Variants in MGAT4C observed in about 807,000 individuals in gnomAD.
MGAT4C encodes MGAT4 family member C.
Under a neutral mutation model 40.1 loss-of-function variants are expected in MGAT4C, and 19 were observed. The observed-to-expected ratio is 0.47, with a 90% CI of 0.33 to 0.70. MGAT4C has a LOEUF of 0.70. Ranked by LOEUF, MGAT4C falls within the 30% of genes least tolerant of loss-of-function variation. The probability of loss-of-function intolerance (pLI) is 0.02; values close to 1 mark genes in which losing one functional copy is unlikely to be tolerated. For missense variants in MGAT4C, 491 were observed against 563.2 expected (o/e 0.87, Z 1.30); for synonymous variants, 181 against 187.1 (o/e 0.97, Z 0.27).
At chr12:86,111,667 A>T (rs1877438000) in intron 1 of MGAT4C, among the ~76,000 whole-genome samples, 1 of 151,804 alleles carries the variant, frequency 6.6e-6, no homozygotes, top group Non-Finnish European at 1.5e-5. Flanking sequence ...CTAAGCCTTA[A>T]TTTCAAACCT....
chr12:86,489,266 G>T (rs1958082779), intron 2 of MGAT4C, among the ~76,000 whole-genome samples: 1 of 152,220 alleles, frequency 6.6e-6, no homozygotes, highest in East Asian at 1.9e-4. Flanking sequence ...TACACTTCGT[G>T]TCCCCTTTCC....
Position 85,959,019 on chromosome 12 carries a change from C to G in MGAT4C, c.*20270G>C, listed in dbSNP as rs540320437. On this transcript the variant is annotated 3_prime_UTR_variant, in exon 5 of 5. Coordinates refer to ENST00000611864, the MANE Select transcript of MGAT4C (RefSeq NM_001351288.2). ...TGCTATGTTATTAAATCTCTGGTAA[C>G]CACTATACAATACAATACAATACAA... 8.2e-6 allele frequency: 1 copy of G among 122,614 alleles called. No individual in the cohort carries two copies. Among genetic ancestry groups the G allele is most frequent in the African/African-American group, 2.8e-5 (1 of 35,594 alleles). The allele number at this position is 122,614 out of a possible 1,614,324, so 7.6% of individuals were successfully genotyped here. A position where few individuals can be genotyped will look rare whatever the true frequency, so the allele number is the denominator to read the frequency against.
intron 2 of MGAT4C, among the ~76,000 whole-genome samples, chr12:85,990,664 A>G (rs1592624436): frequency 6.6e-6 from 1 of 152,304 alleles, no homozygotes. Flanking sequence ...AAGTCTTAAT[A>G]TATAAGACTT....
At chr12:86,606,856 C>A (rs6538047) in intron 2 of MGAT4C, among the ~76,000 whole-genome samples, 134,154 of 152,160 alleles carry the variant, frequency 0.88, 59,824 homozygotes, top group South Asian at 0.97. Flanking sequence ...CTCTACATTA[C>A]ATGGCAGAGT....
rs934436892 is a variant in MGAT4C at position 86,501,497 on chromosome 12, C to T, written c.-228-66232G>A. Among the ~76,000 whole-genome samples the T allele has an allele frequency of 6.0e-5, 9 of 148,762 alleles. No individual in the cohort carries two copies. The South Asian group carries it at 2.0e-3, about 33-fold the overall frequency. On this transcript the variant is annotated intron_variant, in intron 2 of 7. Transcript: ENST00000548651. ...TCCTAATGCTCTTCCCCCGCCCACC[C>T]TCCCTCAACAGGCCCCAGTGTGTGT...
chr12:86,654,720 C>T (rs59624358), intron 2 of MGAT4C, among the ~76,000 whole-genome samples: 19,438 of 149,688 alleles, frequency 0.13, 1,935 homozygotes, highest in African/African-American at 0.28. Flanking sequence ...TTTCCCTGTA[C>T]CTTTTTTTTT....
At chr12:86,755,961 T>C (rs1251558407) in intron 1 of MGAT4C, among the ~76,000 whole-genome samples, 2 of 151,956 alleles carry the variant, frequency 1.3e-5, no homozygotes, top group East Asian at 3.9e-4. Context: ...TAAACTATTT[T>C]CATGATTATT....
intron 2 of MGAT4C, among the ~76,000 whole-genome samples, chr12:86,687,814 T>C (rs1950100251): frequency 6.6e-6 from 1 of 152,180 alleles, no homozygotes; most frequent in African/African-American, 2.4e-5. Context: ...ATTCCGTTGA[T>C]TTGGGGTGGA....
intron 1 of MGAT4C, among the ~76,000 whole-genome samples, chr12:86,775,596 TG>T (rs1329688585): frequency 6.6e-6 from 1 of 151,266 alleles, no homozygotes; most frequent in Non-Finnish European, 1.5e-5. Context: ...GCTATCAAAA[TG>T]GTATGTGAAA....
intron 2 of MGAT4C, among the ~76,000 whole-genome samples, chr12:86,576,280 T>C (rs1301908745): frequency 1.3e-5 from 2 of 151,930 alleles, no homozygotes; most frequent in Non-Finnish European, 2.9e-5. Flanking sequence ...ATTTTGTGGG[T>C]TGTCTCTTCA....
At chr12:86,491,943 CAA>C (rs1454613135) in intron 2 of MGAT4C, among the ~76,000 whole-genome samples, 1 of 152,072 alleles carries the variant, frequency 6.6e-6, no homozygotes, top group Non-Finnish European at 1.5e-5. Flanking sequence ...GCAACTTCAG[CAA>C]AGTCTCAGGA....
At chr12:86,655,415 G>A (rs1286064234) in intron 2 of MGAT4C, among the ~76,000 whole-genome samples, 1 of 152,024 alleles carries the variant, frequency 6.6e-6, no homozygotes, top group African/African-American at 2.4e-5. Context: ...CAAGTATTTT[G>A]ATATTTCTTT....
At chr12:86,309,673 T>C (rs1229476486) in intron 4 of MGAT4C, among the ~76,000 whole-genome samples, 1 of 152,244 alleles carries the variant, frequency 6.6e-6, no homozygotes, top group Non-Finnish European at 1.5e-5. Context: ...TGCAAACCAT[T>C]GCAACAGGTT....
At chr12:86,759,369 CA>C (rs1951362354) in intron 1 of MGAT4C, among the ~76,000 whole-genome samples, 1 of 152,082 alleles carries the variant, frequency 6.6e-6, no homozygotes, top group Non-Finnish European at 1.5e-5. Flanking sequence ...ATCTCTTCAA[CA>C]CACTGATTTT....
intron 1 of MGAT4C, among the ~76,000 whole-genome samples, chr12:86,831,313 G>A (rs1952923107): frequency 6.6e-6 from 1 of 151,706 alleles, no homozygotes; most frequent in Admixed American, 6.6e-5. Context: ...CTATGTAGAG[G>A]GAGGGTGTCA....
chr12:86,074,440 T>C (rs1413150057), intron 1 of MGAT4C, among the ~76,000 whole-genome samples: 1 of 152,136 alleles, frequency 6.6e-6, no homozygotes, highest in Non-Finnish European at 1.5e-5. Context: ...GAATAGTATA[T>C]CTTAATAAGC....
At chr12:86,340,216 T>C (rs1021258620) in intron 3 of MGAT4C, among the ~76,000 whole-genome samples, 17 of 152,190 alleles carry the variant, frequency 1.1e-4, no homozygotes, top group African/African-American at 4.1e-4. Flanking sequence ...ACATAATTTA[T>C]ATCTTCAAAT....
At chr12:86,814,625 A>G (rs1952565029) in intron 1 of MGAT4C, among the ~76,000 whole-genome samples, 1 of 151,910 alleles carries the variant, frequency 6.6e-6, no homozygotes, top group African/African-American at 2.4e-5. Flanking sequence ...CTATGGTCTG[A>G]ATGTTTGTAT....
Position 85,972,427 on chromosome 12 carries a change from A to C in MGAT4C, c.*6862T>G, listed in dbSNP as rs1237641592. On this transcript the variant is annotated 3_prime_UTR_variant, in exon 5 of 5. Transcript: ENST00000611864. ...AATGCCCTTTTGAAAATTGAGACTG[A>C]TTTCTAAAACAAAAAAAAAGACTTT... 2 of 150,920 alleles carry C rather than the reference A, an allele frequency of 1.3e-5. No individual in the cohort carries two copies. The highest frequency in any genetic ancestry group is 3.9e-4 in the East Asian group (2 of 5,178). The allele number at this position is 150,920 out of a possible 1,614,324, so 9.3% of individuals were successfully genotyped here.
Sources: allele counts gnomAD v4.1 joint callset (sites outside exome capture counted in the v4.1 genomes callset), GRCh38; gene constraint gnomAD v4.1.1; transcripts MANE v1.5; gene names NCBI Gene and HGNC (gene_info 2026-07-23, HGNC 2026-07-21).